The following RAB31 variants were observed in gnomAD, a reference collection of about 807,000 sequenced individuals.
RAB31 encodes the protein RAB31, member RAS oncogene family.
Under a neutral mutation model 25.6 loss-of-function variants are expected in RAB31, and 21 were observed. The observed-to-expected ratio is 0.82, with a 90% CI of 0.58 to 1.18. The LOEUF is 1.18. RAB31 is among the 50% of genes most tolerant of loss of function. The probability of loss-of-function intolerance (pLI) is 0.00; values close to 1 mark genes in which losing one functional copy is unlikely to be tolerated. For synonymous variants in RAB31, 87 were observed against 84.0 expected (o/e 1.04, Z -0.20); for missense variants, 196 against 250.1 (o/e 0.78, Z 1.46).
At chr18:9,713,668 C>T (rs2068029125) in intron 1 of RAB31, among the ~76,000 whole-genome samples, 1 of 152,180 alleles carries the variant, frequency 6.6e-6, no homozygotes, top group Non-Finnish European at 1.5e-5. Context: ...TTCTCATGGT[C>T]CCTTCCCCCA....
At chr18:9,744,362 G>C (rs540848277) in intron 1 of RAB31, among the ~76,000 whole-genome samples, 1 of 152,064 alleles carries the variant, frequency 6.6e-6, no homozygotes, top group Non-Finnish European at 1.5e-5. Flanking sequence ...AGCAAAGTTC[G>C]TATTTGTAAA....
chr18:9,815,222 G>GGTAAGAT lies in RAB31; in HGVS notation c.380+2_380+8dup. ...AACAAGTGCGACCTCTCAGATATTA[G>GGTAAGAT]GTAAGATGCATTGAAATCTCTTTTG... On this transcript the variant is annotated stop_gained and frameshift_variant and splice_region_variant. Transcript: ENST00000578921. LOFTEE classifies it high-confidence loss of function. 6.5e-7 allele frequency: 1 copy of GGTAAGAT among 1,528,766 alleles called. No homozygotes were observed. Among genetic ancestry groups the GGTAAGAT allele is most frequent in the Non-Finnish European group, 8.9e-7 (1 of 1,125,180 alleles). 94.7% of individuals were successfully genotyped at this position (1,528,766 alleles called of 1,614,324 possible).
chr18:9,767,498 T>C (rs923985148), intron 1 of RAB31, among the ~76,000 whole-genome samples: 1 of 152,218 alleles, frequency 6.6e-6, no homozygotes, highest in African/African-American at 2.4e-5. Context: ...ATGGTGGATG[T>C]CGTGAAGAGA....
At chr18:9,782,890 CTT>C (rs752338283) in intron 2 of RAB31, among the ~76,000 whole-genome samples, 7 of 152,070 alleles carry the variant, frequency 4.6e-5, no homozygotes, top group Non-Finnish European at 1.0e-4. Flanking sequence ...TTAATTAAAT[CTT>C]TTTATTTTTG....
rs187911971 is a variant in RAB31, at chr18:9,732,607, C to G, written c.39+24163C>G. Among the ~76,000 whole-genome samples the G allele has an allele frequency of 3.2e-3, 495 of 152,344 alleles. 3 individuals are homozygous for G. Among genetic ancestry groups the G allele is most frequent in the African/African-American group, 0.011 (468 of 41,564 alleles). ...CCACAGCCGTGTCTCCAACCTCTCC[C>G]TAGTGCTTGGTGCTACTGCAAGGAC... On this transcript the variant is annotated intron_variant, in intron 1 of 6. Coordinates refer to ENST00000578921, the MANE Select transcript of RAB31 (RefSeq NM_006868.4).
intron 3 of RAB31, among the ~76,000 whole-genome samples, chr18:9,813,222 G>A (rs576932251): frequency 6.6e-6 from 1 of 152,248 alleles, no homozygotes; most frequent in African/African-American, 2.4e-5. Flanking sequence ...CGTTGGAGAG[G>A]TGGCAGCCCC....
chr18:9,746,585 AT>A (rs1303593417), intron 1 of RAB31, among the ~76,000 whole-genome samples: 1 of 152,228 alleles, frequency 6.6e-6, no homozygotes, highest in South Asian at 2.1e-4. Context: ...GACCAAGGAA[AT>A]AGAATTGAGA....
At chr18:9,730,398 C>T (rs913516925) in intron 1 of RAB31, among the ~76,000 whole-genome samples, 5 of 151,812 alleles carry the variant, frequency 3.3e-5, no homozygotes, top group Admixed American at 1.3e-4. Flanking sequence ...ACAATTCTCC[C>T]GTCTCAGCCT....
At chr18:9,733,124 A>T (rs1439167543) in intron 1 of RAB31, among the ~76,000 whole-genome samples, 1 of 152,160 alleles carries the variant, frequency 6.6e-6, no homozygotes, top group Non-Finnish European at 1.5e-5. Context: ...CATGCTATAA[A>T]TCTTTATTTT....
At chr18:9,826,201 A>AC (rs202054180) in intron 5 of RAB31, among the ~76,000 whole-genome samples, 7 of 73,620 alleles carry the variant, frequency 9.5e-5, no homozygotes, top group African/African-American at 2.7e-4. Flanking sequence ...ACATGATGAA[A>AC]CCCCCCTCTA....
At chr18:9,820,368 A>G (rs929381343) in intron 5 of RAB31, among the ~76,000 whole-genome samples, 2 of 152,102 alleles carry the variant, frequency 1.3e-5, no homozygotes, top group Non-Finnish European at 1.5e-5. Flanking sequence ...GTCATGATGC[A>G]TAATCCTTTT....
chr18:9,710,259 C>T (rs1053541910), intron 1 of RAB31, among the ~76,000 whole-genome samples: 1 of 152,178 alleles, frequency 6.6e-6, no homozygotes, highest in African/African-American at 2.4e-5. Context: ...ATGAAATGGG[C>T]ATAATAACAT....
At chr18:9,850,261 G>A (rs1568196193) in intron 6 of RAB31, among the ~76,000 whole-genome samples, 1 of 152,142 alleles carries the variant, frequency 6.6e-6, no homozygotes, top group African/African-American at 2.4e-5. Flanking sequence ...CTGGATTGTG[G>A]TGAACCCAAG....
intron 1 of RAB31, among the ~76,000 whole-genome samples, chr18:9,754,115 C>T (rs2068248980): frequency 6.6e-6 from 1 of 152,170 alleles, no homozygotes; most frequent in Non-Finnish European, 1.5e-5. Flanking sequence ...CCTGTTGAAA[C>T]CTTGAGGTCT....
chr18:9,829,775 ATC>A (rs2143105498), intron 5 of RAB31, among the ~76,000 whole-genome samples: 1 of 152,180 alleles, frequency 6.6e-6, no homozygotes, highest in East Asian at 1.9e-4. Context: ...TAAAGTTGTC[ATC>A]TTTTTATATA....
At chr18:9,795,648 A>G (rs1310868265) in intron 3 of RAB31, among the ~76,000 whole-genome samples, 1 of 152,052 alleles carries the variant, frequency 6.6e-6, no homozygotes, top group Non-Finnish European at 1.5e-5. Context: ...AACATCACTA[A>G]TTATCAGGGA....
At chr18:9,724,616 G>A (rs1024730340) in intron 1 of RAB31, among the ~76,000 whole-genome samples, 4 of 152,170 alleles carry the variant, frequency 2.6e-5, no homozygotes, top group Non-Finnish European at 4.4e-5. Context: ...TGTGAATCTC[G>A]GCAACATCAG....
chr18:9,792,263 A>G, intron 3 of RAB31, 28 bp downstream of exon 3: 1 of 1,594,396 alleles, frequency 6.3e-7, no homozygotes, highest in Non-Finnish European at 8.6e-7. Context: ...TTTGGTGAAA[A>G]CAAGATCCAG....
At chr18:9,801,218 C>T (rs1326118707) in intron 3 of RAB31, among the ~76,000 whole-genome samples, 1 of 152,068 alleles carries the variant, frequency 6.6e-6, no homozygotes, top group Non-Finnish European at 1.5e-5. Context: ...GATGGATATC[C>T]ACTTTCCCCC....
Sources: gnomAD v4.1 joint callset for allele counts (sites outside exome capture counted in the v4.1 genomes callset) on GRCh38, gnomAD v4.1.1 for gene constraint, MANE v1.5 for transcripts, NCBI Gene and HGNC (gene_info 2026-07-23, HGNC 2026-07-21) for gene names.